The following PAPOLG variants were observed in gnomAD, a reference collection of about 807,000 sequenced individuals.
The protein encoded by PAPOLG is PAP-gamma.
PAPOLG carries 40 observed loss-of-function variants against 99.0 expected under a neutral mutation model. That is an observed-to-expected ratio of 0.40 (90% CI 0.31 to 0.53). The LOEUF is 0.53. PAPOLG is among the 20% of genes least tolerant of loss of function. PAPOLG has a pLI of 0.41. For synonymous variants in PAPOLG, 310 were observed against 299.3 expected (o/e 1.04, Z -0.37); for missense variants, 675 against 884.1 (o/e 0.76, Z 3.00).
intron 2 of PAPOLG, among the ~76,000 whole-genome samples, chr2:60,761,068 T>C (rs1038419436): frequency 6.6e-6 from 1 of 152,154 alleles, no homozygotes; most frequent in East Asian, 1.9e-4. Flanking sequence ...TAGGGTTTAA[T>C]GACTGGAATG....
At chr2:60,767,996 A>C (rs376605250) in intron 3 of PAPOLG, among the ~76,000 whole-genome samples, 6 of 152,250 alleles carry the variant, frequency 3.9e-5, no homozygotes, top group African/African-American at 1.4e-4. Context: ...ACTTCAGATC[A>C]CAACCAGAGG....
At chr2:60,768,380 G>A (rs1242157716) in intron 3 of PAPOLG, 90 bp from the exon 4 acceptor site, 6 of 1,349,136 alleles carry the variant, frequency 4.4e-6, no homozygotes, top group South Asian at 3.8e-5. Context: ...GGGATTACAA[G>A]TGTGAGCCAC....
intron 1 of PAPOLG, among the ~76,000 whole-genome samples, chr2:60,758,509 C>T (rs953726352): frequency 2.7e-5 from 4 of 149,494 alleles, no homozygotes; most frequent in Admixed American, 6.7e-5. Context: ...TTCACTGCAA[C>T]CTTCGTCTCC....
At chr2:60,786,228 T>TTTTA (rs760888141) in intron 13 of PAPOLG, among the ~76,000 whole-genome samples, 4 of 152,030 alleles carry the variant, frequency 2.6e-5, no homozygotes, top group African/African-American at 7.3e-5. Flanking sequence ...GAAATTTTTA[T>TTTTA]TTTATTTATT....
At chr2:60,789,892 C>T (rs1370871176) in intron 15 of PAPOLG, among the ~76,000 whole-genome samples, 1 of 152,108 alleles carries the variant, frequency 6.6e-6, no homozygotes, top group East Asian at 1.9e-4. Context: ...GAGTTCAAGA[C>T]CAACCTGGCC....
At chr2:60,770,137 C>G (rs1202423944) in intron 5 of PAPOLG, among the ~76,000 whole-genome samples, 1 of 152,140 alleles carries the variant, frequency 6.6e-6, no homozygotes, top group Non-Finnish European at 1.5e-5. Flanking sequence ...TTTTGCTTTC[C>G]AGTTCTGAGG....
rs1671744547 is a variant in PAPOLG, at chr2:60,797,411, C to CAAATGCCA, written c.*251_*252insAAATGCCA. 3 of 452,170 alleles carry CAAATGCCA rather than the reference C, an allele frequency of 6.6e-6. No individual in the cohort carries two copies. The highest frequency in any genetic ancestry group is 7.7e-5 in the Admixed American group (2 of 26,108). The allele number at this position is 452,170 out of a possible 1,614,324, so 28.0% of individuals were successfully genotyped here. A position where few individuals can be genotyped will look rare whatever the true frequency, so the allele number is the denominator to read the frequency against. On this transcript the variant is annotated 3_prime_UTR_variant, in exon 22 of 22. Transcript: ENST00000238714. ...CAAATTGCCATCTACAGTATTACAG[C>CAAATGCCA]TTTGCATTTGGGGGTTTTACTGCCT...
In PAPOLG at chr2:60,799,747, C is replaced by T. The variant is rs1187783940; in HGVS notation, c.*2587C>T. ...TCAAGCTATTCTCTTGCCTCAGCCTCCCAAGTAGCTGGGATTACAGGCACC... is the reference window on the plus strand; with the variant it reads ...TCAAGCTATTCTCTTGCCTCAGCCTTCCAAGTAGCTGGGATTACAGGCACC... On this transcript the variant is annotated 3_prime_UTR_variant, in exon 22 of 22. Transcript: ENST00000238714. The T allele has an allele frequency of 6.6e-6, 1 of 152,228 alleles. No homozygotes were observed. Among genetic ancestry groups the T allele is most frequent in the African/African-American group, 2.4e-5 (1 of 41,410 alleles). 9.4% of individuals were successfully genotyped at this position (152,228 alleles called of 1,614,324 possible).
In PAPOLG at chr2:60,792,142, A is replaced by T. The variant is rs539638059; in HGVS notation, c.1532A>T (p.Asp511Val). The T allele has an allele frequency of 6.3e-7, 1 of 1,587,664 alleles. No individual in the cohort carries two copies. The highest frequency in any genetic ancestry group is 1.2e-5 in the South Asian group (1 of 85,746). ...CCCTTCTTTCAGCAAAGTCTCTCTG[A>T]TGTCAATCGAAGCTCGGGCGGACTT... ...LQKKKKQSLSDVNRSSGGLQS... is the reference protein window; with the variant it reads ...LQKKKKQSLSVVNRSSGGLQS... The change falls in exon 17 of 22, where the codon GAT becomes GTT. Residue 511 changes from aspartate (D) to valine (V), a missense_variant. Physicochemically the swap from Asp to Val is radical, Grantham distance 152 (BLOSUM62 -3). This residue lies in a region of PAPOLG where 413 missense variants were observed against 460.5 expected (regional missense o/e 0.90). Transcript: ENST00000238714.
chr2:60,777,896 A>G (rs1482920421), intron 8 of PAPOLG, among the ~76,000 whole-genome samples: 1 of 152,242 alleles, frequency 6.6e-6, no homozygotes, highest in Non-Finnish European at 1.5e-5. Context: ...AACAATTACA[A>G]TAGTAACATC....
At position 60,791,858 on chromosome 2, in the gene PAPOLG, A is replaced by G; in HGVS notation, c.1494A>G (p.Ala498=). 6.2e-7 allele frequency: 1 copy of G among 1,612,426 alleles called. No homozygotes were observed. Among genetic ancestry groups the G allele is most frequent in the South Asian group, 1.1e-5 (1 of 90,924 alleles). ...KKKQLHHYLP[A]EILQKKKKQS... ...AACAACTTCACCACTACCTTCCTGC[A>G]GAAATTCTTCAAAAGAAGAAAAAGG... Residue 498 remains alanine, a synonymous_variant, in exon 16 of 22, where the codon GCA becomes GCG. Coordinates refer to ENST00000238714, the MANE Select transcript of PAPOLG (RefSeq NM_022894.4).
At chr2:60,782,859 C>A in intron 12 of PAPOLG, 89 bp downstream of exon 12, 1 of 1,379,660 alleles carries the variant, frequency 7.2e-7, no homozygotes. Context: ...CAGGTGACAG[C>A]TCTTTTATTT....
intron 15 of PAPOLG, among the ~76,000 whole-genome samples, chr2:60,787,890 A>G (rs993797440): frequency 2.6e-5 from 4 of 152,144 alleles, no homozygotes; most frequent in African/African-American, 9.7e-5. Context: ...CGTCTCTACT[A>G]AAAATACAAA....
chr2:60,786,853 A>C, intron 13 of PAPOLG, 94 bp from the exon 14 acceptor site: 1 of 1,453,708 alleles, frequency 6.9e-7, no homozygotes, highest in South Asian at 1.4e-5. Flanking sequence ...TGAACATGTA[A>C]AGCTTCGTAG....
At chr2:60,793,570 G>C in intron 17 of PAPOLG, 57 bp from the exon 18 acceptor site, 1 of 1,582,234 alleles carries the variant, frequency 6.3e-7, no homozygotes. Context: ...TCTCAAAAAA[G>C]GAGAAAAAAA....
chr2:60,763,301 C>G (rs1670576617), intron 3 of PAPOLG, among the ~76,000 whole-genome samples: 1 of 151,862 alleles, frequency 6.6e-6, no homozygotes, highest in Admixed American at 6.6e-5. Flanking sequence ...AGGCTGGTCT[C>G]AAACTCCTGG....
rs1238991558 is a variant in PAPOLG, at chr2:60,801,608, T to G, written c.*4448T>G. On this transcript the variant is annotated 3_prime_UTR_variant, in exon 22 of 22. Transcript: ENST00000238714. Reference sequence around the variant, plus strand: ...ACAGGCGCCCGCCACCATGTGGGCCTGGCTAATTTTTGTAGAGATGGGGTT... The same window carrying G: ...ACAGGCGCCCGCCACCATGTGGGCCGGGCTAATTTTTGTAGAGATGGGGTT... 6.6e-6 allele frequency: 1 copy of G among 152,174 alleles called. No individual in the cohort carries two copies. Among genetic ancestry groups the G allele is most frequent in the Non-Finnish European group, 1.5e-5 (1 of 68,030 alleles). 9.4% of individuals were successfully genotyped at this position (152,174 alleles called of 1,614,324 possible).
At chr2:60,757,085 A>G (rs191976084) in intron 1 of PAPOLG, among the ~76,000 whole-genome samples, 51 of 152,298 alleles carry the variant, frequency 3.3e-4, no homozygotes, top group Middle Eastern at 6.8e-3. Context: ...GTACTTGGCA[A>G]GATTTTGTTG....
chr2:60,772,106 T>C (rs1426474816), intron 7 of PAPOLG, among the ~76,000 whole-genome samples: 2 of 152,124 alleles, frequency 1.3e-5, no homozygotes, highest in Non-Finnish European at 2.9e-5. Flanking sequence ...GATTCTCATT[T>C]GTGTCTACAA....
Sources: allele counts gnomAD v4.1 joint callset (sites outside exome capture counted in the v4.1 genomes callset), GRCh38; gene constraint gnomAD v4.1.1; regional missense constraint gnomAD v4.1.1; transcripts MANE v1.5; gene names NCBI Gene and HGNC (gene_info 2026-07-23, HGNC 2026-07-21).